Variants in TENM2 observed in about 807,000 individuals in gnomAD.
TENM2 encodes teneurin-2.
A neutral mutation model predicts 245.2 loss-of-function variants in TENM2; 52 were observed. The observed-to-expected ratio is 0.21, with a 90% CI of 0.17 to 0.27. The LOEUF is 0.27. TENM2 is among the 10% of genes least tolerant of loss of function. TENM2 has a pLI of 1.00. For missense variants in TENM2, 3,046 were observed against 3,666.8 expected (o/e 0.83, Z 4.37); for synonymous variants, 1,363 against 1,438.9 (o/e 0.95, Z 1.19).
At chr5:167,762,303 TG>T (rs1288591666) in intron 2 of TENM2, among the ~76,000 whole-genome samples, 3 of 152,140 alleles carry the variant, frequency 2.0e-5, no homozygotes, top group Non-Finnish European at 4.4e-5. Flanking sequence ...CTCTTAGGTG[TG>T]GGAGAACTTA....
At chr5:167,020,306 C>A in the TENM2 span, among the ~76,000 whole-genome samples, 1 of 152,134 alleles carries the variant, frequency 6.6e-6, no homozygotes, top group African/African-American at 2.4e-5. Context: ...GAAAATAATT[C>A]TGGAAGTTAT....
intron 3 of TENM2, among the ~76,000 whole-genome samples, chr5:167,951,179 T>G (rs1470293536): frequency 1.3e-5 from 2 of 152,204 alleles, no homozygotes; most frequent in East Asian, 3.9e-4. Flanking sequence ...CTTTTGGAGA[T>G]GTAGCCCGGC....
At chr5:167,453,838 T>A (rs1765750678) in intron 2 of TENM2, among the ~76,000 whole-genome samples, 1 of 152,204 alleles carries the variant, frequency 6.6e-6, no homozygotes, top group African/African-American at 2.4e-5. Flanking sequence ...GGAATTCAGA[T>A]TCATTTTGGA....
chr5:168,116,387 C>T (rs1322904637), intron 9 of TENM2, among the ~76,000 whole-genome samples: 2 of 152,148 alleles, frequency 1.3e-5, no homozygotes, highest in African/African-American at 2.4e-5. Context: ...ACCCCTCAAT[C>T]GTATGTCAAC....
intron 11 of TENM2, among the ~76,000 whole-genome samples, chr5:168,126,192 G>A (rs1034747924): frequency 2.0e-5 from 3 of 152,180 alleles, no homozygotes; most frequent in Admixed American, 6.5e-5. Flanking sequence ...TCTGGGTAAC[G>A]GGGTATCTGC....
intron 2 of TENM2, among the ~76,000 whole-genome samples, chr5:167,604,077 G>T (rs1185302708): frequency 2.0e-5 from 3 of 151,990 alleles, no homozygotes; most frequent in Non-Finnish European, 2.9e-5. Context: ...CCTTGTTTCT[G>T]ATTTTCTTAA....
At chr5:167,861,635 G>T (rs1771818633) in intron 2 of TENM2, among the ~76,000 whole-genome samples, 1 of 152,196 alleles carries the variant, frequency 6.6e-6, no homozygotes, top group African/African-American at 2.4e-5. Context: ...TGTGGCCATT[G>T]TGTCAGCATG....
At chr5:167,797,891 G>A (rs1373966656) in intron 2 of TENM2, among the ~76,000 whole-genome samples, 1 of 152,170 alleles carries the variant, frequency 6.6e-6, no homozygotes, top group Non-Finnish European at 1.5e-5. Flanking sequence ...GGGAAAACAT[G>A]GATCTAACAC....
At chr5:167,176,240 T>A in the TENM2 span, among the ~76,000 whole-genome samples, 99 of 152,336 alleles carry the variant, frequency 6.5e-4, 2 homozygotes, top group South Asian at 0.019. Context: ...TCTGAATGCG[T>A]CTTTTGTGTG....
At chr5:167,330,312 G>T (rs1757364723) in intron 1 of TENM2, among the ~76,000 whole-genome samples, 1 of 152,144 alleles carries the variant, frequency 6.6e-6, no homozygotes, top group Non-Finnish European at 1.5e-5. Flanking sequence ...CTGTTTTACA[G>T]TTGAGGAAAC....
At chr5:167,565,558 T>C (rs765920947) in intron 2 of TENM2, among the ~76,000 whole-genome samples, 12 of 152,170 alleles carry the variant, frequency 7.9e-5, no homozygotes, top group Non-Finnish European at 1.6e-4. Flanking sequence ...CCTCTTAGAG[T>C]AGATTTAGCT....
At chr5:167,439,087 C>T (rs1463198087) in intron 2 of TENM2, among the ~76,000 whole-genome samples, 1 of 152,208 alleles carries the variant, frequency 6.6e-6, no homozygotes, top group Non-Finnish European at 1.5e-5. Flanking sequence ...AGCCGCCGCA[C>T]CGGGCCGCCA....
At chr5:167,098,885 G>A in the TENM2 span, among the ~76,000 whole-genome samples, 1 of 152,136 alleles carries the variant, frequency 6.6e-6, no homozygotes, top group Non-Finnish European at 1.5e-5. Context: ...CGTTAGCATT[G>A]CCTGAAGTAC....
intron 7 of TENM2, among the ~76,000 whole-genome samples, chr5:168,083,637 A>G (rs925059803): frequency 6.6e-6 from 1 of 152,158 alleles, no homozygotes; most frequent in Admixed American, 6.5e-5. Context: ...AAAAGGGGGA[A>G]GATTAATTCT....
At chr5:167,710,008 T>G (rs181125287) in intron 2 of TENM2, among the ~76,000 whole-genome samples, 1 of 152,250 alleles carries the variant, frequency 6.6e-6, no homozygotes, top group East Asian at 1.9e-4. Context: ...AGGGGAATCA[T>G]TATAAATCAG....
At chr5:168,125,331 TA>T (rs1795771667) in intron 11 of TENM2, among the ~76,000 whole-genome samples, 1 of 152,060 alleles carries the variant, frequency 6.6e-6, no homozygotes, top group Non-Finnish European at 1.5e-5. Flanking sequence ...GTACATTCCC[TA>T]AAGGTACCAG....
Position 167,750,709 on chromosome 5 carries a change from G to C in TENM2, c.503-125277G>C, listed in dbSNP as rs1358934550. 3.3e-5 allele frequency among the ~76,000 whole-genome samples: 5 copies of C among 151,974 alleles called. No individual in the cohort carries two copies. In the South Asian group the frequency reaches 1.0e-3, roughly 32 times the overall value. On this transcript the variant is annotated intron_variant, in intron 2 of 28. Coordinates refer to ENST00000518659, the Ensembl canonical transcript of TENM2. ...CCACTGATGTACACATTCCAGCCTG[G>C]GGTTTTCTTTTTTTAATAAAAATGA...
chr5:168,019,344 T>A (rs1004515336), intron 5 of TENM2, among the ~76,000 whole-genome samples: 1 of 152,084 alleles, frequency 6.6e-6, no homozygotes, highest in Non-Finnish European at 1.5e-5. Context: ...GGCAGCCCCA[T>A]GCAGAATGAA....
the TENM2 span, among the ~76,000 whole-genome samples, chr5:167,146,887 A>T: frequency 6.6e-6 from 1 of 152,178 alleles, no homozygotes; most frequent in Non-Finnish European, 1.5e-5. Flanking sequence ...AAAATGAAAC[A>T]ATCATGATTT....
Sources: allele counts gnomAD v4.1 joint callset (sites outside exome capture counted in the v4.1 genomes callset), GRCh38; gene constraint gnomAD v4.1.1; transcripts MANE v1.5; gene names NCBI Gene and HGNC (gene_info 2026-07-23, HGNC 2026-07-21).